PLEKHG1: variants seen among roughly 807,000 people sequenced by gnomAD.
The protein encoded by PLEKHG1 is pleckstrin homology and RhoGEF domain containing G1.
Under a neutral mutation model 100.8 loss-of-function variants are expected in PLEKHG1, and 44 were observed. The observed-to-expected ratio is 0.44, with a 90% CI of 0.34 to 0.56. The LOEUF (loss-of-function observed/expected upper bound fraction) is 0.56. Ranked by LOEUF, PLEKHG1 falls within the 20% of genes least tolerant of loss-of-function variation. The probability of loss-of-function intolerance (pLI) is 0.01; values close to 1 mark genes in which losing one functional copy is unlikely to be tolerated. For synonymous variants in PLEKHG1, 640 were observed against 662.5 expected (o/e 0.97, Z 0.52); for missense variants, 1,545 against 1,720.9 (o/e 0.90, Z 1.81).
intron 1 of PLEKHG1, among the ~76,000 whole-genome samples, chr6:150,607,386 C>T (rs1180709707): frequency 6.6e-6 from 1 of 152,164 alleles, no homozygotes; most frequent in Non-Finnish European, 1.5e-5. Flanking sequence ...CTCTGATGTG[C>T]TGCAGAGAGA....
chr6:150,786,780 A>G (rs1357317014), intron 4 of PLEKHG1, among the ~76,000 whole-genome samples: 2 of 152,122 alleles, frequency 1.3e-5, no homozygotes, highest in Non-Finnish European at 2.9e-5. Context: ...CTATAATCCC[A>G]GCACTTTGGG....
At position 150,600,016 on chromosome 6, in the gene PLEKHG1, G is replaced by A. The variant is rs1185277659; in HGVS notation, c.-205G>A. The A allele has an allele frequency of 1.3e-5, 3 of 235,348 alleles. No homozygotes were observed. The highest frequency in any genetic ancestry group is 2.7e-5 in the Non-Finnish European group (3 of 109,326). 14.6% of individuals were successfully genotyped at this position (235,348 alleles called of 1,614,324 possible). A position where few individuals can be genotyped will look rare whatever the true frequency, so the allele number is the denominator to read the frequency against. On this transcript the variant is annotated splice_region_variant and 5_prime_UTR_variant, in exon 1 of 4. Transcript: ENST00000367326. The surrounding 1 kb of genome is among the most constrained non-coding windows in gnomAD (Gnocchi z 6.2). ...CGGGCATGCGAAGCCGTCCCTCCCC[G>A]GGTAAGCGCCGGTCGGGCCCGGACG... is the stretch of plus-strand genomic sequence containing the variant.
At chr6:150,725,869 A>G (rs1781938587) in intron 1 of PLEKHG1, among the ~76,000 whole-genome samples, 1 of 150,216 alleles carries the variant, frequency 6.7e-6, no homozygotes, top group African/African-American at 2.5e-5. Flanking sequence ...GTTCATTTTT[A>G]TTCTTTTTGC....
At position 150,644,334 on chromosome 6, in the gene PLEKHG1, G is replaced by GTTTTTTTTTT. The variant is rs57840463; in HGVS notation, c.-158+6218_-158+6227dup. 8.2e-4 allele frequency among the ~76,000 whole-genome samples: 96 copies of GTTTTTTTTTT among 117,584 alleles called. 2 individuals are homozygous for GTTTTTTTTTT. Among genetic ancestry groups the GTTTTTTTTTT allele is most frequent in the East Asian group, 2.1e-3 (8 of 3,806 alleles). The allele number at this position is 117,584 out of a possible 152,430, so 77.1% of individuals were successfully genotyped here. On this transcript the variant is annotated intron_variant, in intron 2 of 3. Transcript: ENST00000367326. ...AAGAGAGTGGTTTTTTTCTTTTCGT[G>GTTTTTTTTTT]TTTTTTTTTTTTTTTTTTGTTACAG...
At chr6:150,807,005 A>G in intron 7 of PLEKHG1, among the ~76,000 whole-genome samples, 1 of 151,958 alleles carries the variant, frequency 6.6e-6, no homozygotes, top group South Asian at 2.1e-4. Flanking sequence ...ACGGCCACTC[A>G]CCTGTTACTC....
At chr6:150,839,296 A>G (rs1027135211) in intron 15 of PLEKHG1, among the ~76,000 whole-genome samples, 2 of 152,176 alleles carry the variant, frequency 1.3e-5, no homozygotes, top group Non-Finnish European at 2.9e-5. Flanking sequence ...TTGTAATTTT[A>G]GTAGAGATGG....
At chr6:150,624,389 C>T (rs902683672) in intron 1 of PLEKHG1, among the ~76,000 whole-genome samples, 2 of 152,186 alleles carry the variant, frequency 1.3e-5, no homozygotes, top group Admixed American at 1.3e-4. Flanking sequence ...CCTCAACACT[C>T]GAGCCCCATG....
chr6:150,751,150 G>T (rs1783490462), intron 2 of PLEKHG1, among the ~76,000 whole-genome samples: 1 of 152,080 alleles, frequency 6.6e-6, no homozygotes, highest in Admixed American at 6.5e-5. Context: ...AGGTATTTCA[G>T]AAAATTATTT....
At chr6:150,700,350 G>A (rs1562445530) in intron 3 of PLEKHG1, among the ~76,000 whole-genome samples, 3 of 152,082 alleles carry the variant, frequency 2.0e-5, no homozygotes, top group African/African-American at 4.8e-5. Flanking sequence ...AACCATCTGC[G>A]AACTTGCTAG....
intron 2 of PLEKHG1, among the ~76,000 whole-genome samples, chr6:150,763,294 G>T (rs1333866759): frequency 6.6e-6 from 1 of 152,054 alleles, no homozygotes; most frequent in Non-Finnish European, 1.5e-5. Flanking sequence ...GCCTCCCAAA[G>T]TGTGGGGATT....
chr6:150,702,557 G>GGGGTGTGTGTGTGTGTGTGTGTGT (rs1554261632), intron 3 of PLEKHG1, among the ~76,000 whole-genome samples: 4 of 142,830 alleles, frequency 2.8e-5, no homozygotes, highest in African/African-American at 1.1e-4. Context: ...TTTGTTTTGG[G>GGGGTGTGTGTGTGTGTGTGTGTGT]GTGTGTGTGT....
At chr6:150,765,118 T>C (rs1784392650) in intron 2 of PLEKHG1, among the ~76,000 whole-genome samples, 1 of 152,182 alleles carries the variant, frequency 6.6e-6, no homozygotes, top group Non-Finnish European at 1.5e-5. Context: ...CCCAACGTAA[T>C]ACATGAAATT....
intron 10 of PLEKHG1, among the ~76,000 whole-genome samples, chr6:150,816,847 C>T (rs1264300926): frequency 6.6e-6 from 1 of 152,192 alleles, no homozygotes; most frequent in Non-Finnish European, 1.5e-5. Context: ...ACTGCCTCAG[C>T]TCCACTTCAG....
rs34812418 is a variant in PLEKHG1, at chr6:150,636,490, G to GTT, written c.-203-1585_-203-1584dup. 2.8e-3 allele frequency among the ~76,000 whole-genome samples: 419 copies of GTT among 151,432 alleles called. 2 individuals carry two copies. The highest frequency in any genetic ancestry group is 9.9e-3 in the African/African-American group (408 of 41,262). ...CTCAGTTGGTCCCTTTTTTTTTTCT[G>GTT]TTTTTTGGTTCACTAGGGTCTTCTT... is the stretch of plus-strand genomic sequence containing the variant. On this transcript the variant is annotated intron_variant, in intron 1 of 3. Transcript: ENST00000367326.
At chr6:150,834,320 A>G (rs1477613389) in intron 15 of PLEKHG1, among the ~76,000 whole-genome samples, 1 of 152,182 alleles carries the variant, frequency 6.6e-6, no homozygotes, top group Non-Finnish European at 1.5e-5. Flanking sequence ...TTGGTGGGGT[A>G]GGGGAATATA....
At chr6:150,655,707 C>CAAAAAAAA (rs775753925) in intron 3 of PLEKHG1, among the ~76,000 whole-genome samples, 18 of 38,304 alleles carry the variant, frequency 4.7e-4, no homozygotes, top group African/African-American at 6.0e-4. Context: ...GACTCCATCT[C>CAAAAAAAA]AAAAAAAAAA....
At chr6:150,827,269 ACTG>A (rs1776660922) in intron 14 of PLEKHG1, among the ~76,000 whole-genome samples, 1 of 147,544 alleles carries the variant, frequency 6.8e-6, no homozygotes, top group South Asian at 2.1e-4. Flanking sequence ...CTTCCAAAAA[ACTG>A]CTTTCTTTTT....
At chr6:150,653,903 T>A (rs894062608) in intron 3 of PLEKHG1, among the ~76,000 whole-genome samples, 6 of 152,234 alleles carry the variant, frequency 3.9e-5, no homozygotes, top group Admixed American at 2.0e-4. Context: ...TTGTTCCTTC[T>A]GTTTTCCTAA....
intron 3 of PLEKHG1, among the ~76,000 whole-genome samples, chr6:150,769,598 A>G (rs1784612497): frequency 1.3e-5 from 2 of 151,522 alleles, no homozygotes. Context: ...AAAAAAAAAA[A>G]AAAAAGAAAG....
Sources: allele counts gnomAD v4.1 joint callset (sites outside exome capture counted in the v4.1 genomes callset), GRCh38; gene constraint gnomAD v4.1.1; non-coding constraint Gnocchi (gnomAD v3.1); transcripts MANE v1.5; gene names NCBI Gene and HGNC (gene_info 2026-07-23, HGNC 2026-07-21).